Variants in PRXL2B observed in about 807,000 individuals in gnomAD.
The protein encoded by PRXL2B is peroxiredoxin like 2B.
In PRXL2B, 26 loss-of-function variants were observed where a neutral mutation model predicts 24.4. The ratio of observed to expected loss-of-function variants is 1.07; its 90% CI spans 0.78 to 1.48. The LOEUF is 1.48. Ranked by LOEUF, PRXL2B falls within the 40% of genes most tolerant of loss-of-function variation. PRXL2B has a pLI of 0.00. For missense variants in PRXL2B, 269 were observed against 264.8 expected, an observed-to-expected ratio of 1.02 and a Z score of -0.11; for synonymous variants, 115 against 118.9, an observed-to-expected ratio of 0.97 and a Z score of 0.21.
chr1:2,588,075 G>T (rs957916531), intron 3 of PRXL2B, among the ~76,000 whole-genome samples: 39 of 152,186 alleles, frequency 2.6e-4, no homozygotes, highest in Non-Finnish European at 5.3e-4. Flanking sequence ...TAGCTTTCTG[G>T]TGTCTGTGCC....
chr1:2,587,332 C>A lies in PRXL2B; in HGVS notation c.268+37C>A. ...TCCCCGCCGCGGCGGCGCACATACC[C>A]TTCCCTAAGCTCAGGGCGTTCGGGG... On this transcript the variant is annotated intron_variant, in intron 2 of 6. Transcript: ENST00000419916. This position sits in a 1 kb window ranked among gnomAD's most constrained non-coding sequence, Gnocchi z 6.1. The A allele has an allele frequency of 6.5e-7, 1 of 1,536,998 alleles. No homozygotes were observed. The highest frequency in any genetic ancestry group is 2.0e-5 in the Admixed American group (1 of 50,968).
chr1:2,586,620 G>A (rs1172119237), upstream of PRXL2B: 17 of 757,306 alleles, frequency 2.2e-5, no homozygotes, highest in African/African-American at 2.2e-4. Flanking sequence ...CGGGACTAGG[G>A]GCGAATCCGA....
Position 2,587,636 on chromosome 1 carries a change from G to A in PRXL2B, c.269-105G>A. The A allele has an allele frequency of 8.2e-6, 11 of 1,346,850 alleles. No homozygotes were observed. The highest frequency in any genetic ancestry group is 1.1e-5 in the Non-Finnish European group (11 of 962,404). 83.4% of individuals were successfully genotyped at this position (1,346,850 alleles called of 1,614,324 possible). ...GGGGGTGGGCTGAGCACGGAGGGTGGGCAGAGGAACAGAGGGTCGGAAGGA... is the reference window on the plus strand; with the variant it reads ...GGGGGTGGGCTGAGCACGGAGGGTGAGCAGAGGAACAGAGGGTCGGAAGGA... On this transcript the variant is annotated intron_variant, in intron 2 of 6. Coordinates refer to ENST00000419916, the MANE Select transcript of PRXL2B (RefSeq NM_152371.5). This position sits in a 1 kb window ranked among gnomAD's most constrained non-coding sequence, Gnocchi z 6.1.
Position 2,586,844 on chromosome 1 carries a change from A to G in PRXL2B, c.-42A>G. ...GAGCGAGGAGCCGGGAGCGGGGAAC[A>G]GGGAGTCGGGGAGCCGGGAACCAGG... On this transcript the variant is annotated 5_prime_UTR_variant, in exon 1 of 7. Coordinates refer to ENST00000419916, the MANE Select transcript of PRXL2B (RefSeq NM_152371.5). 3.9e-6 allele frequency: 5 copies of G among 1,282,242 alleles called. No homozygotes were observed. The highest frequency in any genetic ancestry group is 2.9e-4 in the Middle Eastern group (1 of 3,400). 79.4% of individuals were successfully genotyped at this position (1,282,242 alleles called of 1,614,324 possible). A position where few individuals can be genotyped will look rare whatever the true frequency, so the allele number is the denominator to read the frequency against.
In PRXL2B at chr1:2,590,964, G is replaced by A. The variant is rs897553637; in HGVS notation, c.*1537G>A. 2.0e-6 allele frequency: 3 copies of A among 1,497,882 alleles called. No individual in the cohort carries two copies. Among genetic ancestry groups the A allele is most frequent in the Non-Finnish European group, 2.7e-6 (3 of 1,117,074 alleles). 92.8% of individuals were successfully genotyped at this position (1,497,882 alleles called of 1,614,324 possible). On this transcript the variant is annotated 3_prime_UTR_variant, in exon 7 of 7. Coordinates refer to ENST00000419916, the MANE Select transcript of PRXL2B (RefSeq NM_152371.5). ...TGCCTCCGAGCAGCGGGTGGGCGTG[G>A]GCCGCACAGCGCGGCAGGGCCTTGG... is the stretch of plus-strand genomic sequence containing the variant.
In PRXL2B at chr1:2,591,424, C is replaced by T. The variant is rs1352136707; in HGVS notation, c.*1997C>T. ...TCCCTGACCGAAATCGGCCAGAAGCCCCTCTCAGGTTTATTCCCAAAATAA... is the reference window on the plus strand; with the variant it reads ...TCCCTGACCGAAATCGGCCAGAAGCTCCTCTCAGGTTTATTCCCAAAATAA... On this transcript the variant is annotated 3_prime_UTR_variant, in exon 7 of 7. Transcript: ENST00000419916. The T allele has an allele frequency of 8.0e-6, 6 of 749,320 alleles. No homozygotes were observed. Among genetic ancestry groups the T allele is most frequent in the Middle Eastern group, 2.5e-4 (1 of 3,946 alleles). 46.4% of individuals were successfully genotyped at this position (749,320 alleles called of 1,614,324 possible).
Position 2,589,581 on chromosome 1 carries a change from T to C in PRXL2B, c.*154T>C, listed in dbSNP as rs1161564656. 2 of 910,558 alleles carry C rather than the reference T, an allele frequency of 2.2e-6. No individual in the cohort carries two copies. The highest frequency in any genetic ancestry group is 3.4e-6 in the Non-Finnish European group (2 of 587,818). 56.4% of individuals were successfully genotyped at this position (910,558 alleles called of 1,614,324 possible). Reference sequence around the variant, plus strand: ...CAGCAACGAGCCATTAAAACTGCAGTTCCTGACCACGCACTGCTTCGCAGG... The same window carrying C: ...CAGCAACGAGCCATTAAAACTGCAGCTCCTGACCACGCACTGCTTCGCAGG... On this transcript the variant is annotated 3_prime_UTR_variant, in exon 7 of 7. Transcript: ENST00000419916.
rs1402858405 is a variant in PRXL2B at position 2,590,673 on chromosome 1, G to A, written c.*1246G>A. Reference sequence around the variant, plus strand: ...AGCATTTACTTAGCTCAAGTCTGAAGCTGTAGATACTGGAAGACAATGCAC... The same window carrying A: ...AGCATTTACTTAGCTCAAGTCTGAAACTGTAGATACTGGAAGACAATGCAC... On this transcript the variant is annotated 3_prime_UTR_variant, in exon 7 of 7. Transcript: ENST00000419916. 2 of 330,420 alleles carry A rather than the reference G, an allele frequency of 6.1e-6. No homozygotes were observed. The highest frequency in any genetic ancestry group is 9.0e-5 in the East Asian group (2 of 22,126). The allele number at this position is 330,420 out of a possible 1,614,324, so 20.5% of individuals were successfully genotyped here.
At chr1:2,586,738 G>T (rs879663208), upstream of PRXL2B, 167 of 1,239,622 alleles carry the variant, frequency 1.3e-4, no homozygotes, top group Non-Finnish European at 1.6e-4. Flanking sequence ...GCGGGGCCTC[G>T]GCGGCAGCAA....
At chr1:2,588,724 C>A in intron 5 of PRXL2B, 99 bp downstream of exon 5, 1 of 1,376,494 alleles carries the variant, frequency 7.3e-7, no homozygotes, top group Non-Finnish European at 1.0e-6. Flanking sequence ...AGTCTCATCA[C>A]AGCCCCTCCG....
intron 6 of PRXL2B, 83 bp from the exon 7 acceptor site, chr1:2,589,327 G>A: frequency 1.3e-6 from 2 of 1,566,000 alleles, no homozygotes; most frequent in Non-Finnish European, 1.7e-6. Context: ...CCTTGGGAGG[G>A]CTGGGGATTG....
intron 6 of PRXL2B, 43 bp downstream of exon 6, chr1:2,589,083 G>T (rs1208710996): frequency 6.3e-7 from 1 of 1,576,516 alleles, no homozygotes; most frequent in Non-Finnish European, 8.7e-7. Context: ...CCCACGCCCT[G>T]CCCCTAGGTC....
rs1472706096 is a variant in PRXL2B, at chr1:2,587,997, C to T, written c.320+205C>T. 6.6e-6 allele frequency among the ~76,000 whole-genome samples: 1 copy of T among 152,048 alleles called. No homozygotes were observed. Among genetic ancestry groups the T allele is most frequent in the African/African-American group, 2.4e-5 (1 of 41,384 alleles). On this transcript the variant is annotated intron_variant, in intron 3 of 6. Transcript: ENST00000419916. The surrounding 1 kb of genome is among the most constrained non-coding windows in gnomAD (Gnocchi z 6.1). ...GGGTGACTGTAATGAGCCACCTCGTCCGGGGCTTACTCTCGGTGTCCAGAC... is the reference window on the plus strand; with the variant it reads ...GGGTGACTGTAATGAGCCACCTCGTTCGGGGCTTACTCTCGGTGTCCAGAC...
At chr1:2,588,207 C>T (rs942642198) in intron 3 of PRXL2B, 183 bp from the exon 4 acceptor site, 54 of 745,728 alleles carry the variant, frequency 7.2e-5, no homozygotes, top group African/African-American at 3.4e-4. Context: ...CCACTGGGCT[C>T]GGTGTCCAAC....
chr1:2,586,597 A>AGG (rs564928840), upstream of PRXL2B: 1 of 556,436 alleles, frequency 1.8e-6, no homozygotes, highest in Non-Finnish European at 2.6e-6. Flanking sequence ...CTGGAGTAGG[A>AGG]GGGGAAACAA....
rs1053208405 is a variant in PRXL2B, at chr1:2,591,144, C to G, written c.*1717C>G. ...CATTGCCATCTTGGACAAACATGGC[C>G]ATTTTAAGTTCTCCGTGATTAAAAA... On this transcript the variant is annotated 3_prime_UTR_variant, in exon 7 of 7. Transcript: ENST00000419916. 5 of 1,270,170 alleles carry G rather than the reference C, an allele frequency of 3.9e-6. No homozygotes were observed. In the African/African-American group the frequency reaches 6.0e-5, roughly 15 times the overall value. The allele number at this position is 1,270,170 out of a possible 1,614,324, so 78.7% of individuals were successfully genotyped here. A position where few individuals can be genotyped will look rare whatever the true frequency, so the allele number is the denominator to read the frequency against.
rs78426182 is a variant in PRXL2B, at chr1:2,588,371, C to T, written c.321-19C>T. Reference sequence around the variant, plus strand: ...CAGGCTTCTCCGGAGTTTGGCCAAGCGACCTGGTGTCTTCGCAGGTACAAC... The same window carrying T: ...CAGGCTTCTCCGGAGTTTGGCCAAGTGACCTGGTGTCTTCGCAGGTACAAC... On this transcript the variant is annotated intron_variant, in intron 3 of 6. Coordinates refer to ENST00000419916, the MANE Select transcript of PRXL2B (RefSeq NM_152371.5). The T allele has an allele frequency of 3.9e-3, 6,353 of 1,614,072 alleles. 200 individuals are homozygous for T. The African/African-American group carries it at 0.074, about 19-fold the overall frequency.
chr1:2,589,062 C>T (rs754640027), intron 6 of PRXL2B, 22 bp downstream of exon 6: 2 of 1,605,142 alleles, frequency 1.2e-6, no homozygotes, highest in African/African-American at 2.7e-5. Context: ...CTTGGGGGCG[C>T]TGCCTGCCAG....
At chr1:2,586,752 AGGCGGGACCGGGGCATCTCGG>A (rs1644523824), upstream of PRXL2B, 9 of 1,212,652 alleles carry the variant, frequency 7.4e-6, no homozygotes, top group Non-Finnish European at 9.1e-6. Context: ...GCAGCAAGAA[AGGCGGGACCGGGGCATCTCGG>A]GGCGGGGCTT....
Sources: gnomAD v4.1 joint callset for allele counts (sites outside exome capture counted in the v4.1 genomes callset) on GRCh38, gnomAD v4.1.1 for gene constraint, Gnocchi (gnomAD v3.1) non-coding constraint, MANE v1.5 for transcripts, NCBI Gene and HGNC (gene_info 2026-07-23, HGNC 2026-07-21) for gene names.